Variants in FLT4 observed in about 807,000 individuals in gnomAD.
The protein encoded by FLT4 is fms related receptor tyrosine kinase 4.
FLT4 carries 30 observed loss-of-function variants against 163.2 expected under a neutral mutation model. That is an observed-to-expected ratio of 0.18 (90% CI 0.14 to 0.25). The LOEUF is 0.25. FLT4 is among the 10% of genes least tolerant of loss of function. The pLI is 1.00. For missense variants in FLT4, 1,510 were observed against 1,863.8 expected (o/e 0.81, Z 3.50); for synonymous variants, 884 against 789.5 (o/e 1.12, Z -2.01).
chr5:180,649,641 G>C, upstream of FLT4: 1 of 535,394 alleles, frequency 1.9e-6, no homozygotes, highest in Non-Finnish European at 2.5e-6. Context: ...GGGCGGGGCG[G>C]GGCGGGGGCC....
chr5:180,617,857 C>T (rs1213320563), intron 21 of FLT4, among the ~76,000 whole-genome samples: 4 of 81,590 alleles, frequency 4.9e-5, no homozygotes, highest in African/African-American at 1.5e-4. Context: ...CCCTCAACCT[C>T]TGGGACACCC....
At chr5:180,612,080 C>T (rs1345497697) in intron 26 of FLT4, among the ~76,000 whole-genome samples, 1 of 152,242 alleles carries the variant, frequency 6.6e-6, no homozygotes, top group Admixed American at 6.5e-5. Flanking sequence ...CTCCATCCCC[C>T]ACCCTGGAGG....
In FLT4 at chr5:180,630,389, G is replaced by A. The variant is rs1164441969; in HGVS notation, c.401-52C>T. The A allele has an allele frequency of 5.1e-6, 8 of 1,573,466 alleles. No homozygotes were observed. In the South Asian group the frequency reaches 8.9e-5, roughly 17 times the overall value. ...GAAGGGACGTGGCGGCCAGGCTGGG[G>A]GAGGGCTCCACGGGGCTGGGTGGTG... On this transcript the variant is annotated intron_variant, in intron 3 of 29. Coordinates refer to ENST00000261937, the MANE Select transcript of FLT4 (RefSeq NM_182925.5). This position sits in a 1 kb window ranked among gnomAD's most constrained non-coding sequence, Gnocchi z 6.3.
At chr5:180,628,848 A>G (rs746456330) in intron 8 of FLT4, 34 bp downstream of exon 8, 3 of 1,426,960 alleles carry the variant, frequency 2.1e-6, no homozygotes, top group Admixed American at 1.7e-5. Context: ...TTGGAAGGGT[A>G]TCGGCGGGGT....
chr5:180,622,422 C>A (rs565579651), intron 12 of FLT4, among the ~76,000 whole-genome samples: 5 of 152,024 alleles, frequency 3.3e-5, no homozygotes, highest in African/African-American at 4.8e-5. Flanking sequence ...AAAATTCACA[C>A]GAGTCACAAG....
chr5:180,610,501 C>T (rs1247574070), intron 27 of FLT4, among the ~76,000 whole-genome samples: 1 of 152,244 alleles, frequency 6.6e-6, no homozygotes, highest in Non-Finnish European at 1.5e-5. Context: ...AGGGACAGGA[C>T]GCAGAGCCTG....
chr5:180,610,773 G>A (rs13160923), intron 27 of FLT4, among the ~76,000 whole-genome samples: 25,946 of 151,320 alleles, frequency 0.17, 2,693 homozygotes, highest in Middle Eastern at 0.25. Context: ...GAAAAAGTAC[G>A]CTTGCCGGGC....
At chr5:180,639,904 T>G (rs1314636465) in intron 1 of FLT4, among the ~76,000 whole-genome samples, 1 of 152,212 alleles carries the variant, frequency 6.6e-6, no homozygotes, top group Non-Finnish European at 1.5e-5. Flanking sequence ...GGGAACTGGC[T>G]TCTTCCTTCC....
At chr5:180,645,767 GTGA>G (rs1561766362) in intron 1 of FLT4, among the ~76,000 whole-genome samples, 1 of 152,184 alleles carries the variant, frequency 6.6e-6, no homozygotes, top group Non-Finnish European at 1.5e-5. Context: ...TCTCCTCAGT[GTGA>G]CCGGAAAACC....
At position 180,631,784 on chromosome 5, in the gene FLT4, G is replaced by T; in HGVS notation, c.59-6C>A. ...GGAGTAGCCACTCACCAGGCCTGGG[G>T]TGGGAGACAGGGTCAGCGTGGTGCT... On this transcript the variant is annotated splice_region_variant and splice_polypyrimidine_tract_variant and intron_variant, in intron 1 of 29. Coordinates refer to ENST00000261937, the MANE Select transcript of FLT4 (RefSeq NM_182925.5). 1.2e-6 allele frequency: 2 copies of T among 1,601,358 alleles called. No individual in the cohort carries two copies. Among genetic ancestry groups the T allele is most frequent in the Non-Finnish European group, 8.5e-7 (1 of 1,173,234 alleles).
intron 1 of FLT4, among the ~76,000 whole-genome samples, chr5:180,642,581 C>T (rs752202652): frequency 2.6e-5 from 4 of 152,114 alleles, no homozygotes; most frequent in Non-Finnish European, 4.4e-5. Context: ...GGTGGCACAC[C>T]GGGGGGCTTC....
In FLT4 at chr5:180,649,532, G is replaced by C. The variant is rs1319020152; in HGVS notation, c.14C>G (p.Ala5Gly). The change falls in exon 1 of 30, where the codon GCC becomes GGC. Residue 5 changes from alanine (A) to glycine (G), a missense_variant. This residue lies in a region of FLT4 where 157 missense variants were observed against 178.7 expected (regional missense o/e 0.88). Coordinates refer to ENST00000261937, the MANE Select transcript of FLT4 (RefSeq NM_182925.5). ...GAGCCACAGTCGCAGGCACAGCGCG[G>C]CGCCCCGCTGCATCTCCGGCCGCTG... MQRG[A>G]ALCLRLWLCL... is the part of the protein sequence containing the mutation. 2.2e-5 allele frequency: 31 copies of C among 1,440,568 alleles called. No individual in the cohort carries two copies. The highest frequency in any genetic ancestry group is 1.5e-5 in the Non-Finnish European group (17 of 1,097,094). The allele number at this position is 1,440,568 out of a possible 1,614,324, so 89.2% of individuals were successfully genotyped here. A position where few individuals can be genotyped will look rare whatever the true frequency, so the allele number is the denominator to read the frequency against.
rs1763027221 is a variant in FLT4 at position 180,620,308 on chromosome 5, G to A, written c.2407C>T (p.Pro803Ser). 1 of 1,610,928 alleles carries A rather than the reference G, an allele frequency of 6.2e-7. No homozygotes were observed. Residue 803 changes from proline to serine, a missense_variant and splice_region_variant, in exon 17 of 30, where the codon CCG (proline) becomes TCG (serine). Physicochemically the swap from Pro to Ser is moderately conservative, Grantham distance 74. Coordinates refer to ENST00000261937, the MANE Select transcript of FLT4 (RefSeq NM_182925.5). The surrounding 1 kb of genome is among the most constrained non-coding windows in gnomAD (Gnocchi z 4.4). ...CCCGTCTTGATGTCTGCGTGGGCCG[G>A]CTGCGGGGAGGGGACAGGGAGGAGT... ...LLLIFCNMRR[P>S]AHADIKTGYL...
intron 1 of FLT4, among the ~76,000 whole-genome samples, chr5:180,637,222 C>T (rs528432745): frequency 2.7e-5 from 4 of 150,878 alleles, no homozygotes; most frequent in East Asian, 2.0e-4. Context: ...CCCAGCTACT[C>T]GGGAGGCTGA....
intron 29 of FLT4, among the ~76,000 whole-genome samples, chr5:180,607,651 ATAC>A (rs1193010698): frequency 1.6e-5 from 2 of 125,968 alleles, no homozygotes; most frequent in Admixed American, 7.9e-5. Context: ...AAAAAAAAAA[ATAC>A]ATACATACAT....
At chr5:180,643,021 A>G (rs1480528761) in intron 1 of FLT4, among the ~76,000 whole-genome samples, 4 of 152,218 alleles carry the variant, frequency 2.6e-5, no homozygotes. Context: ...CGCATTCCAA[A>G]ACACATGACC....
Position 180,624,009 on chromosome 5 carries a change from C to T in FLT4, c.1474G>A (p.Val492Met), listed in dbSNP as rs772365375. The change falls in exon 11 of 30, where the codon GTG becomes ATG. Residue 492 changes from valine (V) to methionine (M), a missense_variant. Physicochemically the swap from Val to Met is conservative, Grantham distance 21. This residue lies in a region of FLT4 where 878 missense variants were observed against 1,016.7 expected (regional missense o/e 0.86). Coordinates refer to ENST00000261937, the MANE Select transcript of FLT4 (RefSeq NM_182925.5). ...GGGTTCACGGCATCCTGCGTGGTCA[C>T]CGCCCTCCAGTCACGGCACTGTGGC... ...LMPQCRDWRAVTTQDAVNPIE... is the reference protein window; with the variant it reads ...LMPQCRDWRAMTTQDAVNPIE... 1 of 1,613,446 alleles carries T rather than the reference C, an allele frequency of 6.2e-7. No homozygotes were observed. The highest frequency in any genetic ancestry group is 1.1e-5 in the South Asian group (1 of 91,082).
intron 26 of FLT4, among the ~76,000 whole-genome samples, chr5:180,611,916 AGCTG>A (rs1762232488): frequency 6.6e-6 from 1 of 152,130 alleles, no homozygotes; most frequent in African/African-American, 2.4e-5. Flanking sequence ...TCCCTAGCTG[AGCTG>A]GCAGCCTCAG....
At chr5:180,622,930 C>G in intron 11 of FLT4, 91 bp from the exon 12 acceptor site, 5 of 791,932 alleles carry the variant, frequency 6.3e-6, no homozygotes, top group South Asian at 2.9e-5. Context: ...TGTGCACCAC[C>G]CCCCCCAATC....
Sources: gnomAD v4.1 joint callset for allele counts (sites outside exome capture counted in the v4.1 genomes callset) on GRCh38, gnomAD v4.1.1 for gene constraint, gnomAD v4.1.1 regional missense constraint, Gnocchi (gnomAD v3.1) non-coding constraint, MANE v1.5 for transcripts, NCBI Gene and HGNC (gene_info 2026-07-23, HGNC 2026-07-21) for gene names.